MED13L: variants seen among roughly 807,000 people sequenced by gnomAD.
The protein encoded by MED13L is mediator of RNA polymerase II transcription subunit 13-like.
Under a neutral mutation model 220.9 loss-of-function variants are expected in MED13L, and 7 were observed. The ratio of observed to expected loss-of-function variants is 0.03; its 90% confidence interval spans 0.02 to 0.06. MED13L has a LOEUF of 0.06. Ranked by LOEUF, MED13L falls within the 10% of genes least tolerant of loss-of-function variation. The pLI, the probability that MED13L is intolerant of heterozygous loss-of-function variation, is 1.00. For synonymous variants in MED13L, 1,011 were observed against 1,015.2 expected (o/e 1.00, Z 0.08); for missense variants, 1,965 against 2,760.5 (o/e 0.71, Z 6.46).
rs1487110892 is a variant in MED13L at position 115,991,795 on chromosome 12, G to T, written c.3159C>A (p.Thr1053=). ...CTCTGGGAGTTCTTGGGGTCCTGGG[G>T]GTTCGTGGTGTGGGGACAGAGAAGC... ...TPRFSVPTPR[T]PRTPRTPRGG... The change falls in exon 17 of 31, where the codon ACC becomes ACA. Residue 1053 remains threonine, a synonymous_variant. Transcript: ENST00000281928. This position sits in a 1 kb window ranked among gnomAD's most constrained non-coding sequence, Gnocchi z 7.7. 9 of 1,613,736 alleles carry T rather than the reference G, an allele frequency of 5.6e-6. No homozygotes were observed. The highest frequency in any genetic ancestry group is 2.2e-5 in the East Asian group (1 of 44,882).
Position 116,080,259 on chromosome 12 carries a change from A to G in MED13L, c.479+16410T>C, listed in dbSNP as rs577089206. On this transcript the variant is annotated intron_variant, in intron 4 of 30. Coordinates refer to ENST00000281928, the MANE Select transcript of MED13L (RefSeq NM_015335.5). ...CAGGGTTTGGATAAACAGAGTAGAG[A>G]ATATACTTGGACAATCAGTGAGACT... Among the ~76,000 whole-genome samples, 17 of 152,322 alleles carry G rather than the reference A, an allele frequency of 1.1e-4. No individual in the cohort carries two copies. In the East Asian group the frequency reaches 3.3e-3, roughly 29 times the overall value.
chr12:115,992,416 CAA>C lies in MED13L; in HGVS notation c.2997-461_2997-460del, dbSNP rs1319909646. Among the ~76,000 whole-genome samples the C allele has an allele frequency of 4.6e-5, 7 of 151,300 alleles. 1 individual carries two copies. Among genetic ancestry groups the C allele is most frequent in the Non-Finnish European group, 1.0e-4 (7 of 67,842 alleles). On this transcript the variant is annotated intron_variant, in intron 16 of 30. Coordinates refer to ENST00000281928, the MANE Select transcript of MED13L (RefSeq NM_015335.5). ...TTTTTGTCATTTTTTTTTTGAAATT[CAA>C]AGTCTGCCAGTGTACTTGTTCTCTG...
At chr12:116,139,858 T>TA (rs1876901462) in intron 2 of MED13L, among the ~76,000 whole-genome samples, 1 of 150,860 alleles carries the variant, frequency 6.6e-6, no homozygotes, top group South Asian at 2.1e-4. Context: ...TAATCCCAGC[T>TA]ACTCAGGAGG....
chr12:116,244,384 T>G (rs569124194), intron 1 of MED13L, among the ~76,000 whole-genome samples: 5 of 152,146 alleles, frequency 3.3e-5, no homozygotes, highest in Non-Finnish European at 7.4e-5. Flanking sequence ...AGAAAAACAT[T>G]TGTTTCATTG....
intron 4 of MED13L, among the ~76,000 whole-genome samples, chr12:116,047,699 A>G (rs1460565328): frequency 6.6e-6 from 1 of 152,172 alleles, no homozygotes; most frequent in Admixed American, 6.5e-5. Context: ...TGTTTAACTA[A>G]CGGTTTCTGT....
In MED13L at chr12:116,277,303, C is replaced by G. The variant is rs1181279373; in HGVS notation, c.-172G>C. On this transcript the variant is annotated 5_prime_UTR_variant, in exon 1 of 31. Coordinates refer to ENST00000281928, the MANE Select transcript of MED13L (RefSeq NM_015335.5). Reference sequence around the variant, plus strand: ...CAGGCGGGAGGCGCCGCGGCGACGCCGCGCCGGGGGCAGCGGGCCCGGGCT... The same window carrying G: ...CAGGCGGGAGGCGCCGCGGCGACGCGGCGCCGGGGGCAGCGGGCCCGGGCT... 3.9e-4 allele frequency: 1 copy of G among 2,594 alleles called. No homozygotes were observed. Among genetic ancestry groups the G allele is most frequent in the African/African-American group, 8.1e-3 (1 of 124 alleles). 0.2% of individuals were successfully genotyped at this position (2,594 alleles called of 1,614,324 possible). A position where few individuals can be genotyped will look rare whatever the true frequency, so the allele number is the denominator to read the frequency against.
At chr12:116,270,316 C>A (rs981527977) in intron 1 of MED13L, among the ~76,000 whole-genome samples, 1 of 151,820 alleles carries the variant, frequency 6.6e-6, no homozygotes, top group African/African-American at 2.4e-5. Flanking sequence ...TAATTATTTT[C>A]TATTTTTAGT....
chr12:116,229,290 T>C (rs977703531), intron 2 of MED13L, among the ~76,000 whole-genome samples: 2 of 152,322 alleles, frequency 1.3e-5, no homozygotes, highest in Admixed American at 1.3e-4. Context: ...TTAAGACAAT[T>C]TTCAACACTA....
At chr12:116,021,362 T>G (rs926404500) in intron 5 of MED13L, among the ~76,000 whole-genome samples, 9 of 152,168 alleles carry the variant, frequency 5.9e-5, no homozygotes, top group African/African-American at 2.2e-4. Context: ...TGATAAAATG[T>G]TGGATGGAGT....
At chr12:116,062,722 G>C (rs1471766079) in intron 4 of MED13L, among the ~76,000 whole-genome samples, 2 of 152,046 alleles carry the variant, frequency 1.3e-5, no homozygotes, top group Non-Finnish European at 2.9e-5. Context: ...TCTTGACCCT[G>C]TGATCCGACC....
intron 1 of MED13L, among the ~76,000 whole-genome samples, chr12:116,272,168 G>A (rs1873423706): frequency 6.6e-6 from 1 of 151,630 alleles, no homozygotes; most frequent in Admixed American, 6.6e-5. Flanking sequence ...TAAATTATTA[G>A]GCAAAAATAA....
intron 4 of MED13L, among the ~76,000 whole-genome samples, chr12:116,081,159 T>G (rs1871217866): frequency 6.6e-6 from 1 of 152,230 alleles, no homozygotes; most frequent in African/African-American, 2.4e-5. Flanking sequence ...ACCACTTTTG[T>G]AACTAACTCA....
In MED13L at chr12:115,958,815, T is replaced by G. The variant is rs1440486480; in HGVS notation, c.*2451A>C. 1 of 152,546 alleles carries G rather than the reference T, an allele frequency of 6.6e-6. No homozygotes were observed. Among genetic ancestry groups the G allele is most frequent in the Admixed American group, 6.5e-5 (1 of 15,268 alleles). 9.4% of individuals were successfully genotyped at this position (152,546 alleles called of 1,614,324 possible). On this transcript the variant is annotated 3_prime_UTR_variant, in exon 31 of 31. Coordinates refer to ENST00000281928, the MANE Select transcript of MED13L (RefSeq NM_015335.5). ...ATAAAAGAAGCTCACTGCAAAATGC[T>G]TGAAGGAAAAAAGGAAACAAAAGAA...
chr12:116,153,962 G>A (rs1054156459), intron 2 of MED13L, among the ~76,000 whole-genome samples: 3 of 152,222 alleles, frequency 2.0e-5, no homozygotes, highest in East Asian at 3.9e-4. Flanking sequence ...GTCGGTGAAA[G>A]GAAAACTACT....
chr12:116,112,850 T>C (rs1593058392), intron 2 of MED13L, among the ~76,000 whole-genome samples: 1 of 152,172 alleles, frequency 6.6e-6, no homozygotes, highest in African/African-American at 2.4e-5. Context: ...AATATCTCAA[T>C]AGAAAGAACA....
At chr12:116,158,007 G>C (rs2138122786) in intron 2 of MED13L, among the ~76,000 whole-genome samples, 1 of 152,294 alleles carries the variant, frequency 6.6e-6, no homozygotes, top group South Asian at 2.1e-4. Context: ...TTTCTGAATA[G>C]AAGACAGTCC....
At chr12:116,074,811 G>A (rs1185196916) in intron 4 of MED13L, among the ~76,000 whole-genome samples, 1 of 152,248 alleles carries the variant, frequency 6.6e-6, no homozygotes, top group Admixed American at 6.5e-5. Flanking sequence ...GCCCTTGACA[G>A]AACAGCATCC....
rs1873947313 is a variant in MED13L at position 116,110,071 on chromosome 12, G to A, written c.395+1357C>T. On this transcript the variant is annotated intron_variant, in intron 3 of 30. Transcript: ENST00000281928. ...AGTACTACATACAGACTCAGGAAGAGACGTAAAAAGTTTTTCTCATACAAG... is the reference window on the plus strand; with the variant it reads ...AGTACTACATACAGACTCAGGAAGAAACGTAAAAAGTTTTTCTCATACAAG... 3 of 152,142 alleles carry A rather than the reference G, an allele frequency of 2.0e-5. No individual in the cohort carries two copies. The South Asian group carries it at 6.2e-4, about 32-fold the overall frequency. 9.4% of individuals were successfully genotyped at this position (152,142 alleles called of 1,614,324 possible).
At chr12:116,215,690 A>G (rs752638472) in intron 2 of MED13L, among the ~76,000 whole-genome samples, 4 of 152,334 alleles carry the variant, frequency 2.6e-5, no homozygotes, top group Non-Finnish European at 4.4e-5. Context: ...TTTAATACCA[A>G]TAAGTTAAAG....
Sources: allele counts gnomAD v4.1 joint callset (sites outside exome capture counted in the v4.1 genomes callset), GRCh38; gene constraint gnomAD v4.1.1; non-coding constraint Gnocchi (gnomAD v3.1); transcripts MANE v1.5; gene names NCBI Gene and HGNC (gene_info 2026-07-23, HGNC 2026-07-21).